Variants in GAB1 observed in about 807,000 individuals in gnomAD.
The protein encoded by GAB1 is GRB2 associated binding protein 1, also known as GRB2-associated-binding protein 1.
GAB1 carries 19 observed loss-of-function variants against 66.5 expected under a neutral mutation model. The observed-to-expected ratio is 0.29, with a 90% CI of 0.20 to 0.42. The LOEUF is 0.42. Ranked by LOEUF, GAB1 falls within the 10% of genes least tolerant of loss-of-function variation. GAB1 has a pLI of 1.00. For missense variants in GAB1, 732 were observed against 858.5 expected (o/e 0.85, Z 1.84); for synonymous variants, 294 against 301.4 (o/e 0.98, Z 0.25).
At chr4:143,396,030 G>T in intron 1 of GAB1, 1 of 455,244 alleles carries the variant, frequency 2.2e-6, no homozygotes, top group South Asian at 1.6e-5. Flanking sequence ...GAAAGGGGAG[G>T]GGGTGGGGAC....
At chr4:143,347,709 GA>G (rs1232435799) in intron 1 of GAB1, among the ~76,000 whole-genome samples, 1 of 152,236 alleles carries the variant, frequency 6.6e-6, no homozygotes, top group Non-Finnish European at 1.5e-5. Context: ...CATGATCAGT[GA>G]TGTGTGAGAC....
At chr4:143,444,451 A>G (rs17017793) in intron 6 of GAB1, among the ~76,000 whole-genome samples, 2,744 of 152,182 alleles carry the variant, frequency 0.018, 82 homozygotes, top group African/African-American at 0.062. Context: ...GATCCTTAAT[A>G]TTGTGTGGGG....
Position 143,470,616 on chromosome 4 carries a change from T to A in GAB1, c.*1427T>A, listed in dbSNP as rs2149804450. 6.6e-6 allele frequency: 1 copy of A among 152,342 alleles called. No homozygotes were observed. The highest frequency in any genetic ancestry group is 2.4e-5 in the African/African-American group (1 of 41,582). The allele number at this position is 152,342 out of a possible 1,614,324, so 9.4% of individuals were successfully genotyped here. ...TTTGCAACATAATTTAGAAAGCACG[T>A]ATAGTTGTTTTTTAACCAAGTTACA... On this transcript the variant is annotated 3_prime_UTR_variant, in exon 10 of 10. Transcript: ENST00000262994.
intron 2 of GAB1, among the ~76,000 whole-genome samples, chr4:143,423,853 GA>G (rs1338591689): frequency 1.8e-5 from 2 of 108,372 alleles, no homozygotes; most frequent in African/African-American, 6.0e-5. Context: ...CACGTGCTAT[GA>G]AAAGGATATT....
intron 3 of GAB1, among the ~76,000 whole-genome samples, chr4:143,436,127 T>C (rs148178170): frequency 2.9e-3 from 444 of 152,312 alleles, no homozygotes; most frequent in African/African-American, 9.4e-3. Flanking sequence ...GTGCAAGTGT[T>C]TTTAAGATGG....
At chr4:143,416,992 A>T (rs974783781) in intron 2 of GAB1, among the ~76,000 whole-genome samples, 1 of 152,216 alleles carries the variant, frequency 6.6e-6, no homozygotes, top group Non-Finnish European at 1.5e-5. Flanking sequence ...TCAGTCACAA[A>T]ACACAATGAA....
intron 6 of GAB1, among the ~76,000 whole-genome samples, chr4:143,447,501 G>A: frequency 6.6e-6 from 1 of 152,122 alleles, no homozygotes; most frequent in Non-Finnish European, 1.5e-5. Context: ...TCCTTGAAGA[G>A]GTCCTTCACA....
intron 3 of GAB1, among the ~76,000 whole-genome samples, chr4:143,435,587 TC>T (rs1193012031): frequency 6.6e-6 from 1 of 152,218 alleles, no homozygotes; most frequent in Non-Finnish European, 1.5e-5. Context: ...TATTTTGCTA[TC>T]TATATTTTGC....
intron 1 of GAB1, among the ~76,000 whole-genome samples, chr4:143,390,418 G>GTT (rs80082217): frequency 4.4e-5 from 6 of 137,234 alleles, no homozygotes; most frequent in South Asian, 2.3e-4. Context: ...GGTTTTTTTT[G>GTT]TTTTTTTTTT....
intron 6 of GAB1, among the ~76,000 whole-genome samples, chr4:143,450,964 T>TG (rs1734897436): frequency 6.6e-6 from 1 of 152,056 alleles, no homozygotes; most frequent in African/African-American, 2.4e-5. Flanking sequence ...GGCAGTTCAT[T>TG]AACATTCATA....
chr4:143,402,008 G>A (rs192470420), intron 1 of GAB1, among the ~76,000 whole-genome samples: 41 of 152,034 alleles, frequency 2.7e-4, no homozygotes, highest in African/African-American at 9.9e-4. Flanking sequence ...AAGAGGCACA[G>A]ACATTTAAAA....
intron 1 of GAB1, among the ~76,000 whole-genome samples, chr4:143,338,706 GGTA>G (rs1369691560): frequency 4.2e-5 from 3 of 72,004 alleles, no homozygotes; most frequent in Non-Finnish European, 8.0e-5. Flanking sequence ...TAAAGAGAAA[GGTA>G]GGGGTGTGTG....
chr4:143,403,737 C>A (rs1185074823), intron 1 of GAB1, among the ~76,000 whole-genome samples: 1 of 152,192 alleles, frequency 6.6e-6, no homozygotes, highest in African/African-American at 2.4e-5. Flanking sequence ...CAACCTTGTA[C>A]TTAGTCCTTC....
chr4:143,337,092 A>G lies in GAB1; in HGVS notation c.-97A>G. The G allele has an allele frequency of 2.9e-6, 3 of 1,047,640 alleles. No individual in the cohort carries two copies. The highest frequency in any genetic ancestry group is 4.2e-6 in the Non-Finnish European group (3 of 714,060). The allele number at this position is 1,047,640 out of a possible 1,614,324, so 64.9% of individuals were successfully genotyped here. A position where few individuals can be genotyped will look rare whatever the true frequency, so the allele number is the denominator to read the frequency against. On this transcript the variant is annotated 5_prime_UTR_variant, in exon 1 of 10. Coordinates refer to ENST00000262994, the MANE Select transcript of GAB1 (RefSeq NM_002039.4). ...TCCGGGGTGCGCGACCAGGAGAGCT[A>G]GGTTCTCGCCACTGCGCGCTCGGCA... is the stretch of plus-strand genomic sequence containing the variant.
In GAB1 at chr4:143,460,497, GTT is replaced by G. The variant is rs976328186; in HGVS notation, c.1803+13_1803+14del. 8 of 1,612,756 alleles carry G rather than the reference GTT, an allele frequency of 5.0e-6. No homozygotes were observed. The highest frequency in any genetic ancestry group is 6.8e-6 in the Non-Finnish European group (8 of 1,179,374). On this transcript the variant is annotated intron_variant, in intron 8 of 9. Coordinates refer to ENST00000262994, the MANE Select transcript of GAB1 (RefSeq NM_002039.4). ...GTCCAGTGAAGACCCAGTATGTAAAGTTTTAACTTTTCCCTTTCTGAGCAGCC... is the reference window on the plus strand; with the variant it reads ...GTCCAGTGAAGACCCAGTATGTAAAGTTAACTTTTCCCTTTCTGAGCAGCC...
chr4:143,405,246 C>T (rs1370607974), intron 1 of GAB1, among the ~76,000 whole-genome samples: 1 of 152,018 alleles, frequency 6.6e-6, no homozygotes. Flanking sequence ...GAGAGAGAGA[C>T]TATGTAACTG....
At chr4:143,343,942 C>T (rs995261243) in intron 1 of GAB1, among the ~76,000 whole-genome samples, 2 of 152,222 alleles carry the variant, frequency 1.3e-5, no homozygotes, top group Admixed American at 1.3e-4. Flanking sequence ...TAATGTTCCT[C>T]ATGGGTTCCT....
At chr4:143,372,936 A>G (rs909754490) in intron 1 of GAB1, among the ~76,000 whole-genome samples, 2 of 152,188 alleles carry the variant, frequency 1.3e-5, no homozygotes, top group Non-Finnish European at 2.9e-5. Context: ...AATTCAACTC[A>G]TCTTTCCAGA....
At chr4:143,435,726 CAAGT>C (rs1313499138) in intron 3 of GAB1, among the ~76,000 whole-genome samples, 1 of 152,134 alleles carries the variant, frequency 6.6e-6, no homozygotes, top group Non-Finnish European at 1.5e-5. Context: ...TTGGAGTTTA[CAAGT>C]AAGAGTTGCT....
Sources: allele counts gnomAD v4.1 joint callset (sites outside exome capture counted in the v4.1 genomes callset), GRCh38; gene constraint gnomAD v4.1.1; transcripts MANE v1.5; gene names NCBI Gene and HGNC (gene_info 2026-07-23, HGNC 2026-07-21).